Variants in MACROD2 observed in about 807,000 individuals in gnomAD.
MACROD2 encodes the protein mono-ADP ribosylhydrolase 2, also known as ADP-ribose glycohydrolase MACROD2.
A neutral mutation model predicts 70.4 loss-of-function variants in MACROD2; 36 were observed. The ratio of observed to expected loss-of-function variants is 0.51; its 90% CI spans 0.39 to 0.68. MACROD2 has a LOEUF of 0.68. MACROD2 is among the 30% of genes least tolerant of loss of function. The pLI is 0.00. For missense variants in MACROD2, 496 were observed against 538.4 expected, an observed-to-expected ratio of 0.92 and a Z score of 0.78; for synonymous variants, 172 against 178.8, an observed-to-expected ratio of 0.96 and a Z score of 0.30.
At chr20:14,040,481 G>A (rs1191374135) in intron 2 of MACROD2, among the ~76,000 whole-genome samples, 1 of 152,134 alleles carries the variant, frequency 6.6e-6, no homozygotes, top group Non-Finnish European at 1.5e-5. Flanking sequence ...CTTTAGTAGT[G>A]ATTTCTGAGT....
At chr20:15,752,008 C>CCG (rs1183237017) in intron 8 of MACROD2, among the ~76,000 whole-genome samples, 1 of 151,930 alleles carries the variant, frequency 6.6e-6, no homozygotes, top group African/African-American at 2.4e-5. Flanking sequence ...TAAATTCCCA[C>CCG]AGTTCTAGAA....
At chr20:14,244,004 A>G (rs905707345) in intron 3 of MACROD2, among the ~76,000 whole-genome samples, 3 of 152,194 alleles carry the variant, frequency 2.0e-5, no homozygotes, top group Non-Finnish European at 2.9e-5. Flanking sequence ...GACAGTAAGG[A>G]GGTGGTGAGT....
At chr20:15,400,018 G>T (rs552388247) in intron 6 of MACROD2, among the ~76,000 whole-genome samples, 1 of 152,134 alleles carries the variant, frequency 6.6e-6, no homozygotes. Flanking sequence ...CAGGAACCAC[G>T]CTGGCTGACT....
chr20:14,769,920 G>A (rs894817254), intron 5 of MACROD2, among the ~76,000 whole-genome samples: 1 of 151,890 alleles, frequency 6.6e-6, no homozygotes, highest in Non-Finnish European at 1.5e-5. Context: ...TGTCCAATGA[G>A]TTACCCGAGG....
At chr20:15,892,264 C>G (rs2064900781) in intron 10 of MACROD2, among the ~76,000 whole-genome samples, 1 of 152,086 alleles carries the variant, frequency 6.6e-6, no homozygotes, top group Non-Finnish European at 1.5e-5. Context: ...ATAGGAAGAC[C>G]AGGGCTAAAT....
intron 6 of MACROD2, among the ~76,000 whole-genome samples, chr20:15,384,210 A>AT (rs1456839605): frequency 6.6e-6 from 1 of 151,814 alleles, no homozygotes; most frequent in East Asian, 1.9e-4. Flanking sequence ...GGTGATTTGT[A>AT]TTTTTTTTCT....
chr20:14,582,895 C>A (rs1981129009), intron 4 of MACROD2, among the ~76,000 whole-genome samples: 1 of 152,184 alleles, frequency 6.6e-6, no homozygotes, highest in African/African-American at 2.4e-5. Context: ...CCAAATCACA[C>A]TTACTCTGGG....
chr20:15,854,938 A>G (rs147659014), intron 8 of MACROD2, among the ~76,000 whole-genome samples: 233 of 152,294 alleles, frequency 1.5e-3, no homozygotes, highest in African/African-American at 5.4e-3. Context: ...CCAACCCTGC[A>G]CTGGTGAGAC....
At chr20:15,244,451 G>A (rs926031932) in intron 6 of MACROD2, among the ~76,000 whole-genome samples, 9 of 152,278 alleles carry the variant, frequency 5.9e-5, no homozygotes, top group African/African-American at 1.7e-4. Flanking sequence ...AGGGATACCA[G>A]GGGAAGGCTG....
chr20:14,693,171 C>T (rs537236293), intron 5 of MACROD2, among the ~76,000 whole-genome samples: 2 of 152,294 alleles, frequency 1.3e-5, no homozygotes, highest in East Asian at 3.9e-4. Context: ...AGCAGTGACA[C>T]TGGCATTAAC....
Position 14,132,439 on chromosome 20 carries a change from T to C in MACROD2, c.271+46711T>C, listed in dbSNP as rs2054730836. Among the ~76,000 whole-genome samples, 3 of 152,200 alleles carry C rather than the reference T, an allele frequency of 2.0e-5. No homozygotes were observed. The South Asian group carries it at 6.2e-4, about 31-fold the overall frequency. On this transcript the variant is annotated intron_variant, in intron 3 of 17. Coordinates refer to ENST00000684519, the MANE Select transcript of MACROD2 (RefSeq NM_001351661.2). ...ATATATAGGAGACTTTATAGTTCTTTCTTTAGATCTTTGGATTTCCTTAAG... is the reference window on the plus strand; with the variant it reads ...ATATATAGGAGACTTTATAGTTCTTCCTTTAGATCTTTGGATTTCCTTAAG...
chr20:14,238,155 C>G (rs2081894576), intron 3 of MACROD2, among the ~76,000 whole-genome samples: 1 of 152,108 alleles, frequency 6.6e-6, no homozygotes, highest in East Asian at 1.9e-4. Context: ...GTTTACAGTC[C>G]CACCAACAGT....
chr20:14,970,483 T>C (rs1443860070), intron 5 of MACROD2, among the ~76,000 whole-genome samples: 1 of 152,170 alleles, frequency 6.6e-6, no homozygotes, highest in Non-Finnish European at 1.5e-5. Context: ...ATCAATGAGA[T>C]CAACAGAGCC....
intron 3 of MACROD2, among the ~76,000 whole-genome samples, chr20:14,379,410 G>A (rs909963426): frequency 3.3e-5 from 5 of 152,078 alleles, no homozygotes; most frequent in East Asian, 1.9e-4. Flanking sequence ...TATACAATTC[G>A]ATGGGTTTTT....
At position 15,734,131 on chromosome 20, in the gene MACROD2, G is replaced by C. The variant is rs577089387; in HGVS notation, c.646-128614G>C. On this transcript the variant is annotated intron_variant, in intron 8 of 17. Coordinates refer to ENST00000684519, the MANE Select transcript of MACROD2 (RefSeq NM_001351661.2). Reference sequence around the variant, plus strand: ...AGGGTGTTTTGAAGGAGGAATAGGAGTTTGACATGTGAGAAAGTAGGATAC... The same window carrying C: ...AGGGTGTTTTGAAGGAGGAATAGGACTTTGACATGTGAGAAAGTAGGATAC... Among the ~76,000 whole-genome samples the C allele has an allele frequency of 2.0e-5, 3 of 152,290 alleles. No homozygotes were observed. The South Asian group carries it at 6.2e-4, about 32-fold the overall frequency.
chr20:15,805,835 G>C (rs16996587), intron 8 of MACROD2, among the ~76,000 whole-genome samples: 33,508 of 152,158 alleles, frequency 0.22, 3,757 homozygotes, highest in African/African-American at 0.25. Context: ...GATGTTGACT[G>C]AGTTGGTAAT....
intron 6 of MACROD2, among the ~76,000 whole-genome samples, chr20:15,303,240 C>G (rs1278667027): frequency 1.3e-5 from 2 of 152,158 alleles, no homozygotes; most frequent in Non-Finnish European, 2.9e-5. Context: ...ATTTGAACCT[C>G]TAATCTTGAC....
chr20:16,035,850 G>A (rs544617891), intron 15 of MACROD2, among the ~76,000 whole-genome samples: 10 of 151,890 alleles, frequency 6.6e-5, no homozygotes, highest in South Asian at 4.2e-4. Flanking sequence ...TTGTCCTTGC[G>A]GTAAAAGGTA....
intron 15 of MACROD2, among the ~76,000 whole-genome samples, chr20:16,004,760 G>A (rs1376428600): frequency 2.0e-5 from 3 of 152,216 alleles, no homozygotes; most frequent in African/African-American, 7.2e-5. Flanking sequence ...CTCTGGGCAC[G>A]AGTGCGAGCC....
Sources: allele counts gnomAD v4.1 joint callset (sites outside exome capture counted in the v4.1 genomes callset), GRCh38; gene constraint gnomAD v4.1.1; transcripts MANE v1.5; gene names NCBI Gene and HGNC (gene_info 2026-07-23, HGNC 2026-07-21).